The following TRPM5 variants were observed in gnomAD, a reference collection of about 807,000 sequenced individuals.
TRPM5 encodes transient receptor potential cation channel subfamily M member 5, also known as MLSN1 and TRP-related.
In TRPM5, 121 loss-of-function variants were observed where a neutral mutation model predicts 124.9. The observed-to-expected ratio is 0.97, with a 90% CI of 0.84 to 1.13. The LOEUF is 1.13. TRPM5 is among the 50% of genes most tolerant of loss of function. TRPM5 has a pLI of 0.00. For synonymous variants in TRPM5, 781 were observed against 700.5 expected (o/e 1.11, Z -1.81); for missense variants, 1,643 against 1,589.1 (o/e 1.03, Z -0.58).
chr11:2,420,258 C>G, exon 4 of TRPM5: 1 of 1,610,368 alleles, frequency 6.2e-7, no homozygotes, highest in Non-Finnish European at 8.5e-7. Flanking sequence ...ATGTGCTTCT[C>G]CAGCCTCAGC....
At chr11:2,418,505 G>T (rs773864527) in intron 5 of TRPM5, 22 bp downstream of exon 10, 2 of 1,605,276 alleles carry the variant, frequency 1.2e-6, no homozygotes, top group East Asian at 2.2e-5. Context: ...GGCCAGCCAG[G>T]GGGCCTCAGC....
Position 2,417,707 on chromosome 11 carries a change from C to A in TRPM5, c.1009+20G>T. 3 of 473,738 alleles carry A rather than the reference C, an allele frequency of 6.3e-6. No homozygotes were observed. The highest frequency in any genetic ancestry group is 1.6e-5 in the South Asian group (1 of 62,712). 29.3% of individuals were successfully genotyped at this position (473,738 alleles called of 1,614,324 possible). On this transcript the variant is annotated intron_variant, in intron 7 of 23. Coordinates refer to ENST00000155858, the Ensembl canonical transcript of TRPM5. ...AAGCCCCCCAATGGCGCCTGCCTTG[C>A]CCACCCTGCCCGCCCTCACCTTTCA...
At chr11:2,440,849 C>T in the TRPM5 span, among the ~76,000 whole-genome samples, 1 of 152,246 alleles carries the variant, frequency 6.6e-6, no homozygotes, top group African/African-American at 2.4e-5. The surrounding 1 kb of genome is among the most constrained non-coding windows in gnomAD (Gnocchi z 5.2). Flanking sequence ...GCAGCCCAGC[C>T]CTGGCCCGCA....
chr11:2,409,234 G>A (rs755105956), intron 18 of TRPM5, among the ~76,000 whole-genome samples: 6 of 152,044 alleles, frequency 3.9e-5, no homozygotes, highest in Non-Finnish European at 7.4e-5. Context: ...TCCTCTGTCC[G>A]CCCTGGCCAC....
intron 1 of TRPM5, 90 bp downstream of exon 6, chr11:2,422,829 AC>A: frequency 9.1e-7 from 1 of 1,102,798 alleles, no homozygotes; most frequent in South Asian, 1.2e-5. Context: ...GGTGAGGAGG[AC>A]CCTGGCACTC....
At chr11:2,414,868 C>T in intron 10 of TRPM5, 30 bp from the exon 16 acceptor site, 2 of 1,592,126 alleles carry the variant, frequency 1.3e-6, no homozygotes, top group Non-Finnish European at 1.7e-6. Context: ...GAGGCCGCCC[C>T]TCCCCTGCCC....
chr11:2,430,450 A>AGTG, the TRPM5 span, among the ~76,000 whole-genome samples: 36 of 151,612 alleles, frequency 2.4e-4, no homozygotes, highest in Middle Eastern at 3.4e-3. Context: ...TGGTGATACT[A>AGTG]GTGGTGGTGG....
intron 7 of TRPM5, among the ~76,000 whole-genome samples, chr11:2,417,448 C>A (rs564304206): frequency 6.6e-6 from 1 of 152,324 alleles, no homozygotes; most frequent in East Asian, 1.9e-4. Flanking sequence ...GTGCGAGACT[C>A]CGTCTCAAAA....
chr11:2,430,244 A>G, the TRPM5 span, among the ~76,000 whole-genome samples: 1 of 148,022 alleles, frequency 6.8e-6, no homozygotes, highest in Admixed American at 6.8e-5. Context: ...CTTGCCACTC[A>G]GATACTGGCA....
In TRPM5 at chr11:2,422,333, G is replaced by T. The variant is rs746525526; in HGVS notation, c.118-12C>A. The T allele has an allele frequency of 3.1e-6, 5 of 1,604,566 alleles. No individual in the cohort carries two copies. The highest frequency in any genetic ancestry group is 1.1e-5 in the South Asian group (1 of 90,506). On this transcript the variant is annotated splice_polypyrimidine_tract_variant and intron_variant, in intron 1 of 23. Transcript: ENST00000155858. ...GGCACCCGTACAAACTGCAAGGCAG[G>T]TCTGCAGCTCAGGGCTTTCGGGGCA...
intron 16 of TRPM5, 108 bp downstream of exon 21, chr11:2,412,027 G>A (rs1850463503): frequency 1.4e-5 from 15 of 1,046,684 alleles, no homozygotes; most frequent in Non-Finnish European, 2.2e-5. Flanking sequence ...TCAGCCTCCT[G>A]AGTAGCTGGG....
At chr11:2,428,773 A>G in the TRPM5 span, among the ~76,000 whole-genome samples, 2 of 146,102 alleles carry the variant, frequency 1.4e-5, no homozygotes, top group Non-Finnish European at 3.0e-5. This position sits in a 1 kb window ranked among gnomAD's most constrained non-coding sequence, Gnocchi z 4.0. Context: ...GATGATGATG[A>G]TGGTGGTGGG....
rs571472868 is a variant in TRPM5 at position 2,408,159 on chromosome 11, C to T, written c.2783-247G>A. On this transcript the variant is annotated intron_variant, in intron 18 of 23. Transcript: ENST00000155858. ...GGCCCCCTCTGCCATGTCTGCTGAG[C>T]TTCCACCAGGGGCTGGAGTCAGCCA... is the stretch of plus-strand genomic sequence containing the variant. Among the ~76,000 whole-genome samples the T allele has an allele frequency of 1.8e-3, 269 of 152,304 alleles. 2 individuals carry two copies. The highest frequency in any genetic ancestry group is 5.7e-3 in the African/African-American group (235 of 41,554).
At position 2,408,751 on chromosome 11, in the gene TRPM5, G is replaced by C. The variant is rs1282778831; in HGVS notation, c.2783-839C>G. 2.0e-5 allele frequency among the ~76,000 whole-genome samples: 3 copies of C among 152,354 alleles called. No homozygotes were observed. The East Asian group carries it at 5.8e-4, about 29-fold the overall frequency. ...AAGGAGCCGCAGTGGGCGTCAGGGT[G>C]CTCAGGGTCCCAGCCAGAGGCCAGA... On this transcript the variant is annotated intron_variant, in intron 18 of 23. Coordinates refer to ENST00000155858, the Ensembl canonical transcript of TRPM5.
At chr11:2,415,985 T>G (rs780641441) in exon 8 of TRPM5, 3 of 1,587,682 alleles carry the variant, frequency 1.9e-6, no homozygotes, top group Middle Eastern at 1.7e-4. Flanking sequence ...CTTGAGCTCA[T>G]CCAGATAGTC....
the TRPM5 span, among the ~76,000 whole-genome samples, chr11:2,442,553 A>AAAC: frequency 1.1e-3 from 165 of 152,324 alleles, no homozygotes; most frequent in African/African-American, 3.9e-3. The surrounding 1 kb of genome is among the most constrained non-coding windows in gnomAD (Gnocchi z 5.9). Flanking sequence ...TGCTAATATA[A>AAAC]AAAATGCTGT....
At chr11:2,406,520 G>C in intron 21 of TRPM5, 141 bp downstream of exon 26, 1 of 1,171,710 alleles carries the variant, frequency 8.5e-7, no homozygotes, top group South Asian at 1.5e-5. Flanking sequence ...GGAAAGCTAG[G>C]CCCCTGGGCT....
intron 9 of TRPM5, 23 bp from the exon 15 acceptor site, chr11:2,415,070 T>C (rs765638062): frequency 1.0e-5 from 16 of 1,592,644 alleles, no homozygotes; most frequent in Non-Finnish European, 1.4e-5. Context: ...GGCGTCGGCC[T>C]CCTGCTGCGG....
the TRPM5 span, among the ~76,000 whole-genome samples, chr11:2,441,414 C>A: frequency 1.3e-5 from 2 of 152,052 alleles, no homozygotes; most frequent in Non-Finnish European, 2.9e-5. This position sits in a 1 kb window ranked among gnomAD's most constrained non-coding sequence, Gnocchi z 7.2. Context: ...CACCCTCAGC[C>A]CTTGGCCTCA....
Sources: allele counts gnomAD v4.1 joint callset (sites outside exome capture counted in the v4.1 genomes callset), GRCh38; gene constraint gnomAD v4.1.1; non-coding constraint Gnocchi (gnomAD v3.1); transcripts MANE v1.5; gene names NCBI Gene and HGNC (gene_info 2026-07-23, HGNC 2026-07-21).